Variants in GSG1L observed in about 807,000 individuals in gnomAD.
GSG1L encodes the protein GSG1 like.
A neutral mutation model predicts 42.1 loss-of-function variants in GSG1L; 24 were observed. The observed-to-expected ratio is 0.57, with a 90% CI of 0.41 to 0.80. The LOEUF (loss-of-function observed/expected upper bound fraction) is 0.80, where lower values mean the gene tolerates loss of function less well. Ranked by LOEUF, GSG1L falls within the 30% of genes least tolerant of loss-of-function variation. The pLI is 0.00. For missense variants in GSG1L, 445 were observed against 472.2 expected, an observed-to-expected ratio of 0.94 and a Z score of 0.53; for synonymous variants, 215 against 203.5, an observed-to-expected ratio of 1.06 and a Z score of -0.48.
chr16:28,028,087 T>G (rs1039462757), intron 1 of GSG1L, among the ~76,000 whole-genome samples: 1 of 152,108 alleles, frequency 6.6e-6, no homozygotes, highest in Admixed American at 6.5e-5. Flanking sequence ...ATTTCGTGAG[T>G]CTTTCCTAAG....
chr16:27,820,231 G>A (rs969633221), intron 5 of GSG1L, among the ~76,000 whole-genome samples: 2 of 152,176 alleles, frequency 1.3e-5, no homozygotes, highest in Non-Finnish European at 1.5e-5. Flanking sequence ...GGGGCGGAGC[G>A]GGTTCTTCTA....
At chr16:27,869,078 A>T (rs986922295) in intron 3 of GSG1L, among the ~76,000 whole-genome samples, 1 of 152,170 alleles carries the variant, frequency 6.6e-6, no homozygotes, top group African/African-American at 2.4e-5. Flanking sequence ...AGGAGATGGG[A>T]GCAGGGCTCG....
intron 2 of GSG1L, among the ~76,000 whole-genome samples, chr16:27,923,157 A>C (rs2084546467): frequency 6.6e-6 from 1 of 152,204 alleles, no homozygotes; most frequent in Admixed American, 6.5e-5. Context: ...GCTGCAAAAA[A>C]ACCTGGTACT....
chr16:28,003,263 C>T (rs867339252), intron 1 of GSG1L, among the ~76,000 whole-genome samples: 29 of 152,242 alleles, frequency 1.9e-4, no homozygotes, highest in Admixed American at 1.6e-3. Flanking sequence ...AGAACCCACT[C>T]ACAGGAGCTT....
rs1033398687 is a variant in GSG1L at position 27,791,268 on chromosome 16, C to T, written c.*102G>A. ...CTCCCACGCAGGCTGACTGAGTTCA[C>T]GGCACACAGGCCAGGGTTCTGGGGG... On this transcript the variant is annotated 3_prime_UTR_variant, in exon 7 of 7. Transcript: ENST00000447459. The T allele has an allele frequency of 3.1e-5, 22 of 716,714 alleles. No homozygotes were observed. Among genetic ancestry groups the T allele is most frequent in the East Asian group, 2.5e-4 (8 of 32,110 alleles). 44.4% of individuals were successfully genotyped at this position (716,714 alleles called of 1,614,324 possible). A position where few individuals can be genotyped will look rare whatever the true frequency, so the allele number is the denominator to read the frequency against.
At chr16:28,037,681 A>G (rs1334921342) in intron 1 of GSG1L, among the ~76,000 whole-genome samples, 1 of 152,148 alleles carries the variant, frequency 6.6e-6, no homozygotes, top group Non-Finnish European at 1.5e-5. Context: ...TAATATAAAA[A>G]CCCACATGTA....
At chr16:27,873,723 G>A (rs967355764) in intron 3 of GSG1L, among the ~76,000 whole-genome samples, 6 of 152,230 alleles carry the variant, frequency 3.9e-5, no homozygotes, top group Non-Finnish European at 5.9e-5. Flanking sequence ...AAGAGCTGAA[G>A]TGTTGCTTGC....
At chr16:27,855,251 G>A (rs1449834140) in intron 3 of GSG1L, among the ~76,000 whole-genome samples, 1 of 152,110 alleles carries the variant, frequency 6.6e-6, no homozygotes, top group Non-Finnish European at 1.5e-5. Context: ...AGGCCCATTA[G>A]GTGTGCATTT....
At chr16:27,816,945 C>T (rs188418478) in intron 5 of GSG1L, among the ~76,000 whole-genome samples, 1 of 152,304 alleles carries the variant, frequency 6.6e-6, no homozygotes, top group Admixed American at 6.5e-5. Flanking sequence ...AGAACTGCTG[C>T]AGAGGTGTTG....
At chr16:27,916,613 G>A (rs2084459055) in intron 2 of GSG1L, among the ~76,000 whole-genome samples, 1 of 149,654 alleles carries the variant, frequency 6.7e-6, no homozygotes, top group Non-Finnish European at 1.5e-5. Context: ...ATGAACTACT[G>A]TGCCATGCTC....
chr16:27,971,247 G>A (rs571518770), intron 1 of GSG1L, among the ~76,000 whole-genome samples: 25 of 152,248 alleles, frequency 1.6e-4, no homozygotes, highest in Admixed American at 6.5e-4. Context: ...AAGTATTGCC[G>A]TCTTAAAATA....
chr16:28,007,986 A>G lies in GSG1L; in HGVS notation c.350-44783T>C, dbSNP rs148652469. ...GGTGTTAAGTGAAAGTACTATAGAA[A>G]CTGCACGCATTTTACGAGCCGTTGT... On this transcript the variant is annotated intron_variant, in intron 1 of 6. Transcript: ENST00000447459. 3.4e-4 allele frequency among the ~76,000 whole-genome samples: 52 copies of G among 152,216 alleles called. No homozygotes were observed. The East Asian group carries it at 9.1e-3, about 27-fold the overall frequency.
intron 5 of GSG1L, among the ~76,000 whole-genome samples, chr16:27,813,032 G>T (rs1426308684): frequency 2.0e-5 from 3 of 152,010 alleles, no homozygotes; most frequent in Non-Finnish European, 4.4e-5. Flanking sequence ...CACCTGCCTT[G>T]GCCTCCCAAA....
chr16:28,029,565 A>G (rs1567561701), intron 1 of GSG1L, among the ~76,000 whole-genome samples: 1 of 99,600 alleles, frequency 1.0e-5, no homozygotes, highest in African/African-American at 3.4e-5. Flanking sequence ...GGATGGATGC[A>G]TGGGTGGATG....
At chr16:27,860,472 G>T (rs1873148216) in intron 3 of GSG1L, among the ~76,000 whole-genome samples, 2 of 152,246 alleles carry the variant, frequency 1.3e-5, no homozygotes, top group Admixed American at 6.5e-5. Flanking sequence ...CCCCGTTGCA[G>T]ACAAGATGTT....
chr16:28,041,411 C>T lies in GSG1L; in HGVS notation c.349+21665G>A, dbSNP rs144077031. Among the ~76,000 whole-genome samples the T allele has an allele frequency of 4.5e-3, 684 of 152,078 alleles. 5 individuals are homozygous for T. Among genetic ancestry groups the T allele is most frequent in the African/African-American group, 0.015 (633 of 41,472 alleles). ...AGGTTGCAGTGAGCTGCGATCACAC[C>T]ACTGCACTCCAGCCTGGGTGACAAA... On this transcript the variant is annotated intron_variant, in intron 1 of 6. Transcript: ENST00000447459.
chr16:27,816,439 G>A (rs2083095185), intron 5 of GSG1L, among the ~76,000 whole-genome samples: 1 of 152,162 alleles, frequency 6.6e-6, no homozygotes, highest in Non-Finnish European at 1.5e-5. Flanking sequence ...TAGATGCTGT[G>A]GTGCCTAGAA....
intron 4 of GSG1L, among the ~76,000 whole-genome samples, chr16:27,839,293 G>A (rs565061200): frequency 1.5e-4 from 23 of 152,280 alleles, no homozygotes; most frequent in Non-Finnish European, 2.6e-4. Context: ...TGTGACATGG[G>A]CCAAACTGCA....
chr16:27,927,114 C>T (rs532430524), intron 2 of GSG1L, among the ~76,000 whole-genome samples: 10 of 152,144 alleles, frequency 6.6e-5, no homozygotes, highest in South Asian at 4.2e-4. Context: ...CTACTCCCAA[C>T]GCAGCAGCCA....
Sources: gnomAD v4.1 joint callset for allele counts (sites outside exome capture counted in the v4.1 genomes callset) on GRCh38, gnomAD v4.1.1 for gene constraint, MANE v1.5 for transcripts, NCBI Gene and HGNC (gene_info 2026-07-23, HGNC 2026-07-21) for gene names.